NTN4: variants seen among roughly 807,000 people sequenced by gnomAD.
NTN4 encodes the protein netrin-4.
NTN4 carries 32 observed loss-of-function variants against 73.6 expected under a neutral mutation model. The observed-to-expected ratio is 0.44, with a 90% CI of 0.33 to 0.58. The LOEUF (loss-of-function observed/expected upper bound fraction) is 0.58, where lower values mean the gene tolerates loss of function less well. Ranked by LOEUF, NTN4 falls within the 20% of genes least tolerant of loss-of-function variation. The pLI is 0.04. For synonymous variants in NTN4, 258 were observed against 287.5 expected, an observed-to-expected ratio of 0.90 and a Z score of 1.04; for missense variants, 654 against 798.3, an observed-to-expected ratio of 0.82 and a Z score of 2.18.
chr12:95,757,101 A>G (rs910841379), intron 2 of NTN4, among the ~76,000 whole-genome samples: 6 of 152,138 alleles, frequency 3.9e-5, no homozygotes, highest in Admixed American at 6.5e-5. Context: ...GTGAGACATG[A>G]GTGCAGGGGA....
intron 2 of NTN4, among the ~76,000 whole-genome samples, chr12:95,760,510 T>A (rs1236526015): frequency 4.6e-5 from 7 of 152,090 alleles, no homozygotes; most frequent in Non-Finnish European, 8.8e-5. Context: ...CATCTCTGTC[T>A]CCTCAACTTG....
chr12:95,779,749 T>A (rs1326502378), intron 2 of NTN4, among the ~76,000 whole-genome samples: 2 of 152,130 alleles, frequency 1.3e-5, no homozygotes, highest in African/African-American at 4.8e-5. Context: ...ATTTATAGAT[T>A]CAATGCCATC....
At chr12:95,687,471 G>A (rs1196251815) in intron 5 of NTN4, among the ~76,000 whole-genome samples, 1 of 151,472 alleles carries the variant, frequency 6.6e-6, no homozygotes, top group Non-Finnish European at 1.5e-5. Context: ...TGTGATCTCG[G>A]CTCACTGCAA....
intron 7 of NTN4, among the ~76,000 whole-genome samples, chr12:95,679,591 T>C (rs1044611606): frequency 2.0e-5 from 3 of 152,212 alleles, no homozygotes; most frequent in Non-Finnish European, 4.4e-5. Flanking sequence ...TTACCCAGTT[T>C]AAATTCTATG....
intron 5 of NTN4, among the ~76,000 whole-genome samples, chr12:95,703,713 G>A (rs1276469643): frequency 1.3e-5 from 2 of 152,134 alleles, no homozygotes; most frequent in Non-Finnish European, 2.9e-5. Flanking sequence ...CTGTACCACA[G>A]AAACATATTT....
chr12:95,730,062 G>T (rs1301518279), intron 3 of NTN4, among the ~76,000 whole-genome samples: 1 of 152,134 alleles, frequency 6.6e-6, no homozygotes. Context: ...AGTGAGATAT[G>T]CCTTGAATAT....
chr12:95,730,283 C>T (rs553865733), intron 3 of NTN4, among the ~76,000 whole-genome samples: 1 of 152,320 alleles, frequency 6.6e-6, no homozygotes, highest in African/African-American at 2.4e-5. Flanking sequence ...ATTTTGGAGA[C>T]TCAACCTTAC....
intron 7 of NTN4, among the ~76,000 whole-genome samples, chr12:95,675,824 C>G (rs571682496): frequency 6.6e-6 from 1 of 152,260 alleles, no homozygotes; most frequent in Non-Finnish European, 1.5e-5. Context: ...GTCAGACTCA[C>G]TTTTTAAAGA....
intron 2 of NTN4, among the ~76,000 whole-genome samples, chr12:95,738,678 A>T (rs1266982283): frequency 1.3e-5 from 2 of 152,184 alleles, no homozygotes; most frequent in African/African-American, 4.8e-5. Flanking sequence ...ACCTTGCCTA[A>T]AAATATAACT....
chr12:95,722,843 T>C (rs2078659286), intron 3 of NTN4, among the ~76,000 whole-genome samples: 1 of 151,566 alleles, frequency 6.6e-6, no homozygotes, highest in South Asian at 2.1e-4. Context: ...GGCATGGTGG[T>C]GTGTGCTGTA....
At chr12:95,741,698 AAAT>A (rs533969155) in intron 2 of NTN4, among the ~76,000 whole-genome samples, 1,827 of 150,120 alleles carry the variant, frequency 0.012, 20 homozygotes, top group Non-Finnish European at 0.016. Context: ...GATTAACAAC[AAAT>A]AATAAAATAG....
chr12:95,771,928 C>T (rs1237178902), intron 2 of NTN4, among the ~76,000 whole-genome samples: 2 of 152,066 alleles, frequency 1.3e-5, no homozygotes, highest in African/African-American at 2.4e-5. Context: ...TCTCTCTCAC[C>T]TGTGATTTTA....
At chr12:95,716,797 A>G (rs990586983) in intron 3 of NTN4, among the ~76,000 whole-genome samples, 1 of 151,416 alleles carries the variant, frequency 6.6e-6, no homozygotes, top group Non-Finnish European at 1.5e-5. Context: ...TCCATTTTTT[A>G]ATTTTACTTA....
At chr12:95,702,911 G>A (rs1373051642) in intron 5 of NTN4, among the ~76,000 whole-genome samples, 1 of 143,018 alleles carries the variant, frequency 7.0e-6, no homozygotes, top group Non-Finnish European at 1.5e-5. Context: ...AGGCTGGAGT[G>A]CAATGGCGCA....
At chr12:95,768,329 G>A (rs1027474086) in intron 2 of NTN4, among the ~76,000 whole-genome samples, 5 of 152,126 alleles carry the variant, frequency 3.3e-5, no homozygotes, top group Admixed American at 6.5e-5. Context: ...CCTTAAGGAT[G>A]AGTGGGAATT....
intron 2 of NTN4, among the ~76,000 whole-genome samples, chr12:95,782,852 G>T (rs1280570535): frequency 6.6e-6 from 1 of 152,156 alleles, no homozygotes; most frequent in African/African-American, 2.4e-5. Flanking sequence ...CATCCCTTTA[G>T]AGTTACTTTT....
intron 5 of NTN4, among the ~76,000 whole-genome samples, chr12:95,708,514 C>T (rs2078538398): frequency 6.6e-6 from 1 of 151,914 alleles, no homozygotes; most frequent in Non-Finnish European, 1.5e-5. Context: ...GTCTCGGTCT[C>T]CCAAAGTGCT....
intron 7 of NTN4, among the ~76,000 whole-genome samples, chr12:95,679,187 T>C (rs1258287609): frequency 1.3e-5 from 2 of 152,064 alleles, no homozygotes; most frequent in Non-Finnish European, 2.9e-5. Flanking sequence ...AATCTAAAAT[T>C]CACACGAAAG....
chr12:95,735,964 A>G (rs1489973988), intron 3 of NTN4, among the ~76,000 whole-genome samples: 4 of 147,354 alleles, frequency 2.7e-5, no homozygotes. Flanking sequence ...TTTGAGACAG[A>G]GTCTTGCTTT....
Sources: gnomAD v4.1 joint callset for allele counts (sites outside exome capture counted in the v4.1 genomes callset) on GRCh38, gnomAD v4.1.1 for gene constraint, MANE v1.5 for transcripts, NCBI Gene and HGNC (gene_info 2026-07-23, HGNC 2026-07-21) for gene names.